GALM: variants seen among roughly 807,000 people sequenced by gnomAD.
GALM encodes the protein aldose 1-epimerase.
In GALM, 43 loss-of-function variants were observed where a neutral mutation model predicts 37.4. That is an observed-to-expected ratio of 1.15 (90% confidence interval 0.90 to 1.48). GALM has a LOEUF of 1.48. Among genes scored for constraint, GALM ranks in the 40% most tolerant of loss-of-function variants. The pLI, the probability that GALM is intolerant of heterozygous loss-of-function variation, is 0.00. For synonymous variants in GALM, 199 were observed against 170.6 expected, an observed-to-expected ratio of 1.17 and a Z score of -1.30; for missense variants, 456 against 419.1, an observed-to-expected ratio of 1.09 and a Z score of -0.77.
Position 38,733,545 on chromosome 2 carries a change from T to C in GALM, c.1009T>C (p.Phe337Leu). Residue 337 changes from phenylalanine to leucine, a missense_variant, in exon 7 of 7, where the codon TTC (phenylalanine) becomes CTC (leucine). Physicochemically the swap from Phe to Leu is conservative, Grantham distance 22 (BLOSUM62 0). Coordinates refer to ENST00000272252, the MANE Select transcript of GALM (RefSeq NM_138801.3). ...PGEEYDHTTW[F>L]KFSVA ...TGAGGAGTATGACCACACCACCTGG[T>C]TCAAGTTTTCTGTGGCTTAAGGAAG... 11 of 1,613,854 alleles carry C rather than the reference T, an allele frequency of 6.8e-6. No homozygotes were observed. The highest frequency in any genetic ancestry group is 9.3e-6 in the Non-Finnish European group (11 of 1,179,810).
intron 1 of GALM, among the ~76,000 whole-genome samples, chr2:38,667,072 A>G (rs934149045): frequency 5.3e-5 from 8 of 152,190 alleles, no homozygotes; most frequent in Admixed American, 5.2e-4. Context: ...GGCTGGGGAG[A>G]TAGACTTTAA....
intron 3 of GALM, among the ~76,000 whole-genome samples, chr2:38,686,793 A>T (rs977453722): frequency 1.3e-5 from 2 of 152,232 alleles, no homozygotes; most frequent in South Asian, 4.1e-4. Context: ...CTAAGGAGGC[A>T]GGCACCTAGG....
intron 4 of GALM, among the ~76,000 whole-genome samples, chr2:38,709,738 TGGAA>T (rs1255601056): frequency 1.3e-5 from 2 of 152,220 alleles, no homozygotes; most frequent in African/African-American, 2.4e-5. Context: ...TGCCAACCAC[TGGAA>T]GGAAGTAAAA....
intron 1 of GALM, among the ~76,000 whole-genome samples, chr2:38,672,518 C>T (rs1033760051): frequency 2.0e-5 from 3 of 151,896 alleles, no homozygotes; most frequent in Admixed American, 2.0e-4. Flanking sequence ...AGGTTAATAA[C>T]CAGAAAGCCT....
intron 3 of GALM, among the ~76,000 whole-genome samples, chr2:38,682,021 A>G (rs938480518): frequency 6.6e-6 from 1 of 152,218 alleles, no homozygotes; most frequent in African/African-American, 2.4e-5. Context: ...TTAGCTTAAT[A>G]AAGGCATATT....
At chr2:38,674,327 C>A (rs1423076095) in intron 1 of GALM, among the ~76,000 whole-genome samples, 4 of 151,736 alleles carry the variant, frequency 2.6e-5, no homozygotes, top group Non-Finnish European at 5.9e-5. Flanking sequence ...GTAGCTGGGA[C>A]TACAGGCACA....
Position 38,733,540 on chromosome 2 carries a change from C to A in GALM, c.1004C>A (p.Thr335Asn). ...CCTGGTGAGGAGTATGACCACACCA[C>A]CTGGTTCAAGTTTTCTGTGGCTTAA... ...LRPGEEYDHT[T>N]WFKFSVA Residue 335 changes from threonine (T) to asparagine (N), a missense_variant, in exon 7 of 7, where the codon ACC becomes AAC. Physicochemically the swap from Thr to Asn is moderately conservative, Grantham distance 65 (BLOSUM62 0). Transcript: ENST00000272252. 6.2e-7 allele frequency: 1 copy of A among 1,613,946 alleles called. No individual in the cohort carries two copies. Among genetic ancestry groups the A allele is most frequent in the Non-Finnish European group, 8.5e-7 (1 of 1,179,844 alleles).
chr2:38,680,210 T>C (rs1207776866), intron 2 of GALM: 3 of 327,554 alleles, frequency 9.2e-6, no homozygotes, highest in Admixed American at 4.3e-5. Context: ...TTCATAGAGA[T>C]GACATCTCAC....
At position 38,698,502 on chromosome 2, in the gene GALM, T is replaced by C. The variant is rs568066335; in HGVS notation, c.634+8608T>C. On this transcript the variant is annotated intron_variant, in intron 4 of 6. Transcript: ENST00000272252. ...AGCTCTGCGTCTTCAGAGCAATTAT[T>C]CTTAGCTACTTAAAAAAAAAAAAAG... is the stretch of plus-strand genomic sequence containing the variant. 44 of 808,070 alleles carry C rather than the reference T, an allele frequency of 5.4e-5. No homozygotes were observed. The South Asian group carries it at 6.9e-4, about 13-fold the overall frequency. The allele number at this position is 808,070 out of a possible 1,614,324, so 50.1% of individuals were successfully genotyped here.
chr2:38,731,598 C>T, intron 5 of GALM, 137 bp from the exon 6 acceptor site: 1 of 684,176 alleles, frequency 1.5e-6, no homozygotes, highest in South Asian at 1.8e-5. Flanking sequence ...CATGCTCTTC[C>T]TACCTTCATC....
At chr2:38,695,432 C>T (rs1038602268) in intron 4 of GALM, among the ~76,000 whole-genome samples, 3 of 152,200 alleles carry the variant, frequency 2.0e-5, no homozygotes, top group African/African-American at 7.2e-5. Context: ...ATGGTGGGTA[C>T]TTCATTTATC....
chr2:38,670,268 C>G (rs920721516), intron 1 of GALM, among the ~76,000 whole-genome samples: 3 of 152,172 alleles, frequency 2.0e-5, no homozygotes, highest in Non-Finnish European at 4.4e-5. Context: ...AACAACCTAC[C>G]CATACAATCA....
chr2:38,707,307 G>C (rs1666051985), intron 4 of GALM, among the ~76,000 whole-genome samples: 1 of 152,170 alleles, frequency 6.6e-6, no homozygotes, highest in Admixed American at 6.5e-5. Context: ...GGATTTACCA[G>C]AGAGGAATCA....
chr2:38,675,518 GTTTTTTTGTT>G (rs1393561476), intron 1 of GALM, among the ~76,000 whole-genome samples: 6 of 104,978 alleles, frequency 5.7e-5, no homozygotes, highest in Non-Finnish European at 7.4e-5. Flanking sequence ...TGGATTGAGG[GTTTTTTTGTT>G]TTTTTTTTTT....
intron 4 of GALM, among the ~76,000 whole-genome samples, chr2:38,705,590 G>A (rs1304415209): frequency 6.6e-6 from 1 of 152,190 alleles, no homozygotes; most frequent in African/African-American, 2.4e-5. Flanking sequence ...GAGAGTGAGA[G>A]TACCAAAGCA....
intron 4 of GALM, among the ~76,000 whole-genome samples, chr2:38,725,151 G>A (rs1040238476): frequency 2.0e-5 from 3 of 152,176 alleles, no homozygotes; most frequent in African/African-American, 7.2e-5. Flanking sequence ...ATAGAAGAAA[G>A]CATAAGTTAC....
chr2:38,672,900 C>A (rs998824127), intron 1 of GALM, among the ~76,000 whole-genome samples: 4 of 151,840 alleles, frequency 2.6e-5, no homozygotes, highest in African/African-American at 9.7e-5. Context: ...ATCCCAGCTA[C>A]TTGGAAGGCT....
intron 4 of GALM, among the ~76,000 whole-genome samples, chr2:38,709,601 G>T (rs530328351): frequency 6.6e-6 from 1 of 151,204 alleles, no homozygotes; most frequent in African/African-American, 2.4e-5. Context: ...GAATAAAGCC[G>T]CAAACCCAAA....
At chr2:38,682,332 A>T (rs894254656) in intron 3 of GALM, 33 of 430,632 alleles carry the variant, frequency 7.7e-5, no homozygotes, top group African/African-American at 6.6e-4. Flanking sequence ...CTTCCTCTTT[A>T]TCTGAAGAAC....
Sources: allele counts gnomAD v4.1 joint callset (sites outside exome capture counted in the v4.1 genomes callset), GRCh38; gene constraint gnomAD v4.1.1; transcripts MANE v1.5; gene names NCBI Gene and HGNC (gene_info 2026-07-23, HGNC 2026-07-21).